The following STPG2 variants were observed in gnomAD, a reference collection of about 807,000 sequenced individuals.
STPG2 encodes the protein sperm-tail PG-rich repeat-containing protein 2.
STPG2 carries 56 observed loss-of-function variants against 54.2 expected under a neutral mutation model. The ratio of observed to expected loss-of-function variants is 1.03; its 90% CI spans 0.83 to 1.29. The LOEUF (loss-of-function observed/expected upper bound fraction) is 1.29, where lower values mean the gene tolerates loss of function less well. Among genes scored for constraint, STPG2 ranks in the 50% most tolerant of loss-of-function variants. The pLI, the probability that STPG2 is intolerant of heterozygous loss-of-function variation, is 0.00. For synonymous variants in STPG2, 200 were observed against 181.8 expected, an observed-to-expected ratio of 1.10 and a Z score of -0.81; for missense variants, 596 against 544.9, an observed-to-expected ratio of 1.09 and a Z score of -0.93.
chr4:97,450,957 T>C (rs1428546902), intron 4 of STPG2, among the ~76,000 whole-genome samples: 1 of 152,152 alleles, frequency 6.6e-6, no homozygotes, highest in African/African-American at 2.4e-5. Flanking sequence ...TATTTTTAAA[T>C]AAGAATTACT....
intron 3 of STPG2, among the ~76,000 whole-genome samples, chr4:98,114,164 T>C (rs1287191907): frequency 6.6e-6 from 1 of 152,110 alleles, no homozygotes; most frequent in Non-Finnish European, 1.5e-5. Context: ...CTAAAGTAAG[T>C]GCTCCAGATC....
intron 10 of STPG2, among the ~76,000 whole-genome samples, chr4:97,623,183 A>G (rs890652189): frequency 2.0e-5 from 3 of 152,128 alleles, no homozygotes; most frequent in Non-Finnish European, 4.4e-5. Flanking sequence ...CCTAGGAAAT[A>G]TGCTTTGGAC....
In STPG2 at chr4:97,943,823, A is replaced by G; in HGVS notation, c.1044+74T>C. 3 of 1,140,318 alleles carry G rather than the reference A, an allele frequency of 2.6e-6. No individual in the cohort carries two copies. In the South Asian group the frequency reaches 4.9e-5, roughly 18 times the overall value. 70.6% of individuals were successfully genotyped at this position (1,140,318 alleles called of 1,614,324 possible). A position where few individuals can be genotyped will look rare whatever the true frequency, so the allele number is the denominator to read the frequency against. ...CCAGTTACCTCACTCAGGTCCTAAT[A>G]TAATGTTTATGTTATGCAGCCTCCT... On this transcript the variant is annotated intron_variant, in intron 8 of 10. Coordinates refer to ENST00000295268, the MANE Select transcript of STPG2 (RefSeq NM_174952.3).
At chr4:97,859,103 G>A (rs575056051) in intron 8 of STPG2, among the ~76,000 whole-genome samples, 1 of 152,076 alleles carries the variant, frequency 6.6e-6, no homozygotes, top group Non-Finnish European at 1.5e-5. Flanking sequence ...GGAGTAAGGT[G>A]GAATCTCATT....
At chr4:97,452,100 C>G (rs1204148825) in intron 4 of STPG2, among the ~76,000 whole-genome samples, 1 of 122,208 alleles carries the variant, frequency 8.2e-6, no homozygotes, top group Admixed American at 9.0e-5. Flanking sequence ...CTCCATAGAG[C>G]AGGCAGGAGC....
At chr4:97,950,507 C>A (rs1733425030) in intron 7 of STPG2, among the ~76,000 whole-genome samples, 2 of 151,972 alleles carry the variant, frequency 1.3e-5, no homozygotes, top group African/African-American at 2.4e-5. Context: ...TTCAAAATTT[C>A]TTTATGTTGG....
At chr4:97,632,955 G>A (rs1290100683) in intron 10 of STPG2, among the ~76,000 whole-genome samples, 1 of 152,134 alleles carries the variant, frequency 6.6e-6, no homozygotes, top group African/African-American at 2.4e-5. Flanking sequence ...TTAGAAGGGG[G>A]ATGGAAAGAT....
intron 5 of STPG2, among the ~76,000 whole-genome samples, chr4:98,017,595 T>C (rs930507043): frequency 2.0e-5 from 3 of 152,216 alleles, no homozygotes; most frequent in South Asian, 2.1e-4. Flanking sequence ...ATGTGCTCCA[T>C]GTAGATACTG....
At chr4:97,554,820 A>T (rs182143205), downstream of STPG2, among the ~76,000 whole-genome samples, 30 of 152,254 alleles carry the variant, frequency 2.0e-4, no homozygotes, top group African/African-American at 6.7e-4. Flanking sequence ...ACTTCATTTC[A>T]TCTCAACAGA....
chr4:97,723,643 G>A (rs1724524110), intron 9 of STPG2, among the ~76,000 whole-genome samples: 1 of 152,054 alleles, frequency 6.6e-6, no homozygotes, highest in African/African-American at 2.4e-5. Flanking sequence ...TTTTCACACT[G>A]CTATAAAGAA....
rs181257226 is a variant in STPG2, at chr4:97,864,388, G to A, written c.1045-23456C>T. Reference sequence around the variant, plus strand: ...CCTAGGAATCCAACTTACAAGGGACGTGAAGGATCTCTTCAAGGAGAACTA... The same window carrying A: ...CCTAGGAATCCAACTTACAAGGGACATGAAGGATCTCTTCAAGGAGAACTA... On this transcript the variant is annotated intron_variant, in intron 8 of 10. Transcript: ENST00000295268. Among the ~76,000 whole-genome samples the A allele has an allele frequency of 2.9e-3, 440 of 152,224 alleles. 5 individuals carry two copies. Among genetic ancestry groups the A allele is most frequent in the African/African-American group, 9.5e-3 (395 of 41,512 alleles).
intron 5 of STPG2, among the ~76,000 whole-genome samples, chr4:98,053,020 A>G (rs4699591): frequency 0.39 from 59,911 of 151,942 alleles, 12,037 homozygotes; most frequent in Middle Eastern, 0.46. Context: ...TCAAGTTTTG[A>G]GGAATATAAA....
At position 98,134,365 on chromosome 4, in the gene STPG2, A is replaced by G. The variant is rs777509068; in HGVS notation, c.204T>C (p.Tyr68=). 3.2e-6 allele frequency: 5 copies of G among 1,560,018 alleles called. No individual in the cohort carries two copies. The highest frequency in any genetic ancestry group is 4.3e-6 in the Non-Finnish European group (5 of 1,150,306). ...AAGTTACCTGTGCTTCTGAAACATT[A>G]TAGTGTCCTGGACCTGGAACAGCTT... The part of the protein sequence containing the change: ...IEKAVPGPGH[Y]NVSEAQKISR... Residue 68 remains tyrosine, a synonymous_variant, in exon 2 of 11, where the codon TAT becomes TAC. Transcript: ENST00000295268.
At chr4:97,634,190 C>T (rs537355659) in intron 10 of STPG2, among the ~76,000 whole-genome samples, 130 of 152,258 alleles carry the variant, frequency 8.5e-4, no homozygotes, top group African/African-American at 3.1e-3. Context: ...GACCCCTGAC[C>T]CCCGAGCACC....
intron 5 of STPG2, among the ~76,000 whole-genome samples, chr4:98,101,360 T>C (rs1319661742): frequency 1.3e-5 from 2 of 152,102 alleles, no homozygotes; most frequent in African/African-American, 2.4e-5. Context: ...AAAGATCCCA[T>C]GAGTAAGGGA....
chr4:97,729,866 T>C (rs1156819236), intron 9 of STPG2, among the ~76,000 whole-genome samples: 1 of 152,192 alleles, frequency 6.6e-6, no homozygotes, highest in African/African-American at 2.4e-5. Flanking sequence ...TTTTTTTGCT[T>C]GATTTCTTTT....
At chr4:98,022,582 A>G (rs867737284) in intron 5 of STPG2, among the ~76,000 whole-genome samples, 25 of 151,846 alleles carry the variant, frequency 1.6e-4, no homozygotes, top group African/African-American at 5.6e-4. Context: ...TAGATTGGGG[A>G]AGTTCTCCTG....
chr4:97,912,399 AC>A (rs892710429), intron 8 of STPG2, among the ~76,000 whole-genome samples: 28 of 152,226 alleles, frequency 1.8e-4, no homozygotes, highest in Non-Finnish European at 3.5e-4. Context: ...TTGTAACCCA[AC>A]ACAAAGAAGC....
intron 4 of STPG2, among the ~76,000 whole-genome samples, chr4:98,107,408 A>G (rs1739218759): frequency 6.6e-6 from 1 of 152,160 alleles, no homozygotes; most frequent in African/African-American, 2.4e-5. Context: ...AACAAATTAC[A>G]AAAACGGTGA....
Sources: allele counts gnomAD v4.1 joint callset (sites outside exome capture counted in the v4.1 genomes callset), GRCh38; gene constraint gnomAD v4.1.1; transcripts MANE v1.5; gene names NCBI Gene and HGNC (gene_info 2026-07-23, HGNC 2026-07-21).